TNS3: variants seen among roughly 807,000 people sequenced by gnomAD.
The protein encoded by TNS3 is tensin 3, also known as tensin-3.
Under a neutral mutation model 140.9 loss-of-function variants are expected in TNS3, and 45 were observed. The ratio of observed to expected loss-of-function variants is 0.32; its 90% CI spans 0.25 to 0.41. TNS3 has a LOEUF of 0.41. TNS3 is among the 10% of genes least tolerant of loss of function. The probability of loss-of-function intolerance (pLI) is 1.00; values close to 1 mark genes in which losing one functional copy is unlikely to be tolerated. For missense variants in TNS3, 1,716 were observed against 1,906.7 expected (o/e 0.90, Z 1.86); for synonymous variants, 815 against 788.4 (o/e 1.03, Z -0.56).
rs548698611 is a variant in TNS3 at position 47,375,890 on chromosome 7, G to T, written c.1025-6269C>A. On this transcript the variant is annotated intron_variant, in intron 16 of 30. Coordinates refer to ENST00000311160, the MANE Select transcript of TNS3 (RefSeq NM_022748.12). ...CAGAAGTTGGTTTGAAGCAAAGGAA[G>T]GACAAATCTGATAGATTTATGAAGC... is the stretch of plus-strand genomic sequence containing the variant. 1.3e-3 allele frequency among the ~76,000 whole-genome samples: 201 copies of T among 152,278 alleles called. 1 individual carries two copies. Among genetic ancestry groups the T allele is most frequent in the Middle Eastern group, 3.4e-3 (1 of 294 alleles).
chr7:47,522,129 C>G (rs1392121941), intron 2 of TNS3, among the ~76,000 whole-genome samples: 1 of 152,170 alleles, frequency 6.6e-6, no homozygotes, highest in Non-Finnish European at 1.5e-5. Context: ...GATGGGATGC[C>G]CGCCCCCCAA....
At chr7:47,281,709 T>A (rs1785153787) in intron 28 of TNS3, among the ~76,000 whole-genome samples, 3 of 152,112 alleles carry the variant, frequency 2.0e-5, no homozygotes, top group South Asian at 4.2e-4. Flanking sequence ...ATATAAAGAA[T>A]ACAGGGAAAC....
intron 1 of TNS3, among the ~76,000 whole-genome samples, chr7:47,549,479 G>A (rs1800005425): frequency 6.6e-6 from 1 of 152,032 alleles, no homozygotes; most frequent in South Asian, 2.1e-4. Flanking sequence ...CGGCAACAGA[G>A]GGAAACTCCA....
intron 20 of TNS3, among the ~76,000 whole-genome samples, chr7:47,334,360 A>G (rs1788504837): frequency 6.6e-6 from 1 of 152,192 alleles, no homozygotes; most frequent in African/African-American, 2.4e-5. Flanking sequence ...AAGTAAACTA[A>G]CATTAACTGC....
chr7:47,370,864 C>T (rs1250788217), intron 16 of TNS3, among the ~76,000 whole-genome samples: 1 of 152,264 alleles, frequency 6.6e-6, no homozygotes, highest in African/African-American at 2.4e-5. Flanking sequence ...GGGACCTGCC[C>T]TGAGCATGTG....
intron 10 of TNS3, among the ~76,000 whole-genome samples, chr7:47,415,976 C>T (rs1325672590): frequency 2.0e-5 from 3 of 152,262 alleles, no homozygotes; most frequent in Non-Finnish European, 2.9e-5. Flanking sequence ...CGGAGGCTTA[C>T]CAAGCTCTCT....
intron 1 of TNS3, among the ~76,000 whole-genome samples, chr7:47,535,506 T>C (rs894543859): frequency 6.6e-6 from 1 of 152,238 alleles, no homozygotes; most frequent in African/African-American, 2.4e-5. Flanking sequence ...CTGCCCTTGT[T>C]TTCACCTGAT....
chr7:47,435,514 A>G (rs1795136410), intron 7 of TNS3, 110 bp from the exon 8 acceptor site: 1 of 1,491,260 alleles, frequency 6.7e-7, no homozygotes, highest in South Asian at 1.2e-5. Flanking sequence ...AGTAAAGAAC[A>G]TGCTGGGTGA....
At chr7:47,310,396 G>A (rs1195301305) in intron 20 of TNS3, among the ~76,000 whole-genome samples, 1 of 152,148 alleles carries the variant, frequency 6.6e-6, no homozygotes, top group Non-Finnish European at 1.5e-5. Flanking sequence ...TGAGACCCTT[G>A]AAGGGCTACA....
intron 20 of TNS3, among the ~76,000 whole-genome samples, chr7:47,331,663 A>T (rs1788348877): frequency 6.6e-6 from 1 of 152,168 alleles, no homozygotes; most frequent in African/African-American, 2.4e-5. Flanking sequence ...GGCTTTCAGG[A>T]TTTTTTGTAA....
rs1217603278 is a variant in TNS3, at chr7:47,369,475, T to C, written c.1171A>G (p.Ser391Gly). 6.2e-7 allele frequency: 1 copy of C among 1,614,166 alleles called. No homozygotes were observed. Among genetic ancestry groups the C allele is most frequent in the Admixed American group, 1.7e-5 (1 of 60,030 alleles). ...GAGGCTGTAGAGTGGCCGGAGTCAC[T>C]GCTGACAGACAAGGTGTGGTCACTG... ...DHSDHTLSVS[S>G]DSGHSTASAR... The change falls in exon 17 of 31, where the codon AGT becomes GGT. Residue 391 changes from serine to glycine, a missense_variant. Coordinates refer to ENST00000311160, the MANE Select transcript of TNS3 (RefSeq NM_022748.12).
intron 3 of TNS3, among the ~76,000 whole-genome samples, chr7:47,496,827 GGGCCA>G (rs1467606641): frequency 3.3e-5 from 5 of 152,328 alleles, no homozygotes; most frequent in African/African-American, 1.2e-4. Context: ...GCAGCGATGT[GGGCCA>G]GGACTACGGA....
chr7:47,293,834 G>T lies in TNS3; in HGVS notation c.3677-6C>A. 1 of 1,614,102 alleles carries T rather than the reference G, an allele frequency of 6.2e-7. No homozygotes were observed. Among genetic ancestry groups the T allele is most frequent in the Non-Finnish European group, 8.5e-7 (1 of 1,179,966 alleles). Reference sequence around the variant, plus strand: ...TTCATTGGCCAAATCTCCAGCTGTGGCAAGAAATTTAAAGAAAGAAGAATT... The same window carrying T: ...TTCATTGGCCAAATCTCCAGCTGTGTCAAGAAATTTAAAGAAAGAAGAATT... On this transcript the variant is annotated splice_polypyrimidine_tract_variant and splice_region_variant and intron_variant, in intron 24 of 30. Coordinates refer to ENST00000311160, the MANE Select transcript of TNS3 (RefSeq NM_022748.12).
chr7:47,308,316 T>A (rs1050849068), intron 20 of TNS3, among the ~76,000 whole-genome samples: 33 of 152,268 alleles, frequency 2.2e-4, no homozygotes, highest in African/African-American at 7.9e-4. Flanking sequence ...CCAGTGAAGT[T>A]TGGTTTGGGT....
At chr7:47,485,303 G>A (rs748864876) in intron 3 of TNS3, among the ~76,000 whole-genome samples, 27 of 152,224 alleles carry the variant, frequency 1.8e-4, no homozygotes, top group Non-Finnish European at 3.1e-4. Flanking sequence ...GGATAAACAC[G>A]AAACAGTGCC....
chr7:47,571,637 C>T (rs926515879), intron 1 of TNS3, among the ~76,000 whole-genome samples: 1 of 152,240 alleles, frequency 6.6e-6, no homozygotes, highest in Non-Finnish European at 1.5e-5. Context: ...AGCCTCTGTC[C>T]GCTCCCACTC....
intron 1 of TNS3, among the ~76,000 whole-genome samples, chr7:47,542,408 C>T (rs1432782818): frequency 1.3e-5 from 2 of 152,180 alleles, no homozygotes; most frequent in Non-Finnish European, 2.9e-5. Flanking sequence ...GTCCCTCTGA[C>T]GTGTGCTCAC....
intron 6 of TNS3, 141 bp from the exon 7 acceptor site, chr7:47,437,454 A>G (rs956985799): frequency 6.2e-5 from 18 of 290,438 alleles, no homozygotes; most frequent in Non-Finnish European, 9.7e-5. Flanking sequence ...AATCAGGGGG[A>G]AAAAAAGCTT....
At chr7:47,293,492 G>A (rs189338702) in intron 25 of TNS3, among the ~76,000 whole-genome samples, 148 of 152,328 alleles carry the variant, frequency 9.7e-4, no homozygotes, top group African/African-American at 3.5e-3. Context: ...ATTGACGTCT[G>A]TAATTCCTAC....
Sources: allele counts gnomAD v4.1 joint callset (sites outside exome capture counted in the v4.1 genomes callset), GRCh38; gene constraint gnomAD v4.1.1; transcripts MANE v1.5; gene names NCBI Gene and HGNC (gene_info 2026-07-23, HGNC 2026-07-21).